The following OSBPL10 variants were observed in gnomAD, a reference collection of about 807,000 sequenced individuals.
OSBPL10 encodes oxysterol-binding protein-related protein 10.
A neutral mutation model predicts 81.7 loss-of-function variants in OSBPL10; 49 were observed. The observed-to-expected ratio is 0.60, with a 90% confidence interval of 0.48 to 0.76. OSBPL10 has a LOEUF of 0.76. Ranked by LOEUF, OSBPL10 falls within the 30% of genes least tolerant of loss-of-function variation. The probability of loss-of-function intolerance (pLI) is 0.00; values close to 1 mark genes in which losing one functional copy is unlikely to be tolerated. For synonymous variants in OSBPL10, 419 were observed against 383.6 expected, an observed-to-expected ratio of 1.09 and a Z score of -1.08; for missense variants, 923 against 987.8, an observed-to-expected ratio of 0.93 and a Z score of 0.88.
rs945636997 is a variant in OSBPL10, at chr3:31,876,073, C to A, written c.537+360G>T. Among the ~76,000 whole-genome samples, 6 of 151,990 alleles carry A rather than the reference C, an allele frequency of 3.9e-5. 1 individual carries two copies. Among genetic ancestry groups the A allele is most frequent in the Admixed American group, 3.9e-4 (6 of 15,252 alleles). Reference sequence around the variant, plus strand: ...CAGGGTCTAGGTTTTATTTAAGGATCGGTGATGGCTACTAGATTTACGAAC... The same window carrying A: ...CAGGGTCTAGGTTTTATTTAAGGATAGGTGATGGCTACTAGATTTACGAAC... On this transcript the variant is annotated intron_variant, in intron 3 of 11. Transcript: ENST00000396556.
chr3:31,735,406 C>T (rs1318409561), intron 5 of OSBPL10, among the ~76,000 whole-genome samples: 2 of 152,176 alleles, frequency 1.3e-5, no homozygotes, highest in South Asian at 2.1e-4. Context: ...CACCACTACC[C>T]TCCAGCCTGG....
intron 1 of OSBPL10, among the ~76,000 whole-genome samples, chr3:31,940,850 G>A (rs1697515612): frequency 6.6e-6 from 1 of 152,100 alleles, no homozygotes; most frequent in African/African-American, 2.4e-5. Flanking sequence ...ATATTGGCCA[G>A]GTTGGTCTCA....
At chr3:31,987,115 TAC>T (rs71628591) in intron 2 of OSBPL10, among the ~76,000 whole-genome samples, 45,752 of 151,104 alleles carry the variant, frequency 0.3, 8,953 homozygotes, top group African/African-American at 0.55. Flanking sequence ...TGTATGTGTA[TAC>T]ACACACACAC....
At chr3:31,767,584 G>GT (rs3038197) in intron 4 of OSBPL10, among the ~76,000 whole-genome samples, 1 of 151,372 alleles carries the variant, frequency 6.6e-6, no homozygotes, top group South Asian at 2.1e-4. Context: ...AAGTCCCCGT[G>GT]CCCCAAGTCT....
chr3:31,844,088 C>T (rs1018946168), intron 3 of OSBPL10, among the ~76,000 whole-genome samples: 5 of 152,182 alleles, frequency 3.3e-5, no homozygotes, highest in East Asian at 1.9e-4. Flanking sequence ...CATTTTACAC[C>T]GTAGGTACAA....
At chr3:32,024,524 C>G in intron 2 of OSBPL10, among the ~76,000 whole-genome samples, 1 of 118,962 alleles carries the variant, frequency 8.4e-6, no homozygotes, top group African/African-American at 3.1e-5. Context: ...AAGTCTCACT[C>G]TTGTCCCTCA....
Position 31,661,279 on chromosome 3 carries a change from C to T in OSBPL10, c.*793G>A, listed in dbSNP as rs1380192433. 2 of 152,328 alleles carry T rather than the reference C, an allele frequency of 1.3e-5. No homozygotes were observed. Among genetic ancestry groups the T allele is most frequent in the Non-Finnish European group, 2.9e-5 (2 of 68,040 alleles). The allele number at this position is 152,328 out of a possible 1,614,324, so 9.4% of individuals were successfully genotyped here. A position where few individuals can be genotyped will look rare whatever the true frequency, so the allele number is the denominator to read the frequency against. On this transcript the variant is annotated 3_prime_UTR_variant, in exon 12 of 12. Transcript: ENST00000396556. Reference sequence around the variant, plus strand: ...GCATGCATGTATTTAACTTCTAAAGCCCTTTTTCATCACAAAAGAAGTCTC... The same window carrying T: ...GCATGCATGTATTTAACTTCTAAAGTCCTTTTTCATCACAAAAGAAGTCTC...
chr3:31,920,209 A>G (rs146676558), intron 1 of OSBPL10, among the ~76,000 whole-genome samples: 70 of 152,336 alleles, frequency 4.6e-4, no homozygotes, highest in African/African-American at 1.6e-3. Context: ...TGGTGAAAAT[A>G]TTCTGTATGA....
In OSBPL10 at chr3:31,940,132, CACA is replaced by C. The variant is rs533649178; in HGVS notation, c.281+40764_281+40766del. Among the ~76,000 whole-genome samples, 270 of 152,328 alleles carry C rather than the reference CACA, an allele frequency of 1.8e-3. 1 individual carries two copies. The highest frequency in any genetic ancestry group is 6.3e-3 in the African/African-American group (260 of 41,576). ...AAAAAAGACTTACACAAGAAATGTT[CACA>C]ACAACTTTATTCATCAAAGCCAAAA... On this transcript the variant is annotated intron_variant, in intron 1 of 11. Coordinates refer to ENST00000396556, the MANE Select transcript of OSBPL10 (RefSeq NM_017784.5).
chr3:32,059,050 G>A (rs1342276567), intron 1 of OSBPL10, among the ~76,000 whole-genome samples: 1 of 152,160 alleles, frequency 6.6e-6, no homozygotes, highest in Non-Finnish European at 1.5e-5. Context: ...TGTAATACCA[G>A]CACTTTGGGA....
chr3:31,894,822 G>C (rs1470127712), intron 1 of OSBPL10, among the ~76,000 whole-genome samples: 2 of 152,198 alleles, frequency 1.3e-5, no homozygotes, highest in African/African-American at 4.8e-5. Context: ...CTAGTTTTTA[G>C]TCGGACACAA....
chr3:32,002,246 A>G (rs57667707), intron 2 of OSBPL10, among the ~76,000 whole-genome samples: 4,593 of 152,248 alleles, frequency 0.03, 247 homozygotes, highest in African/African-American at 0.11. Context: ...TGTCCACTCA[A>G]CCAACCCAAG....
chr3:32,043,921 G>C (rs1223573977), intron 2 of OSBPL10, among the ~76,000 whole-genome samples: 4 of 152,026 alleles, frequency 2.6e-5, no homozygotes, highest in African/African-American at 9.7e-5. Context: ...AGGGGGAATG[G>C]AGGGAGGGGG....
chr3:31,883,243 CTTTTT>C (rs34333418), intron 1 of OSBPL10, among the ~76,000 whole-genome samples: 5 of 144,636 alleles, frequency 3.5e-5, no homozygotes, highest in South Asian at 4.4e-4. Flanking sequence ...GCATGCCACT[CTTTTT>C]TTTTTTTTTG....
chr3:31,925,594 C>T (rs1697049847), intron 1 of OSBPL10, among the ~76,000 whole-genome samples: 1 of 151,780 alleles, frequency 6.6e-6, no homozygotes, highest in African/African-American at 2.4e-5. Flanking sequence ...GGGGAGATCA[C>T]TTGAGGTCAG....
At chr3:31,911,051 A>G (rs1696560324) in intron 1 of OSBPL10, among the ~76,000 whole-genome samples, 1 of 152,168 alleles carries the variant, frequency 6.6e-6, no homozygotes, top group African/African-American at 2.4e-5. Flanking sequence ...GTTCCATATT[A>G]AATGCGACAC....
At chr3:31,722,324 C>CTAG (rs1696670688) in intron 6 of OSBPL10, among the ~76,000 whole-genome samples, 1 of 152,174 alleles carries the variant, frequency 6.6e-6, no homozygotes, top group Middle Eastern at 3.2e-3. Flanking sequence ...ATAAAGGCTT[C>CTAG]TCATAAGCCC....
intron 3 of OSBPL10, among the ~76,000 whole-genome samples, chr3:31,866,985 T>C (rs369999586): frequency 1.2e-3 from 186 of 152,342 alleles, no homozygotes; most frequent in African/African-American, 4.1e-3. Flanking sequence ...GCCAATCATA[T>C]TCCTCCATGA....
intron 3 of OSBPL10, among the ~76,000 whole-genome samples, chr3:31,842,316 T>C (rs1341870755): frequency 1.3e-5 from 2 of 152,122 alleles, no homozygotes; most frequent in Admixed American, 6.6e-5. Context: ...AACCCTGGAG[T>C]ATCCCTAATG....
Sources: allele counts gnomAD v4.1 joint callset (sites outside exome capture counted in the v4.1 genomes callset), GRCh38; gene constraint gnomAD v4.1.1; transcripts MANE v1.5; gene names NCBI Gene and HGNC (gene_info 2026-07-23, HGNC 2026-07-21).